MOGS: variants seen among roughly 807,000 people sequenced by gnomAD.
The protein encoded by MOGS is epididymis secretory sperm binding protein.
A neutral mutation model predicts 68.5 loss-of-function variants in MOGS; 45 were observed. The observed-to-expected ratio is 0.66, with a 90% CI of 0.52 to 0.84. The LOEUF is 0.84. MOGS is among the 40% of genes least tolerant of loss of function. The probability of loss-of-function intolerance (pLI) is 0.00; values close to 1 mark genes in which losing one functional copy is unlikely to be tolerated. For synonymous variants in MOGS, 492 were observed against 461.2 expected, an observed-to-expected ratio of 1.07 and a Z score of -0.86; for missense variants, 1,020 against 1,095.0, an observed-to-expected ratio of 0.93 and a Z score of 0.97.
chr2:74,463,928 G>T (rs1453776205), intron 2 of MOGS, among the ~76,000 whole-genome samples: 1 of 149,422 alleles, frequency 6.7e-6, no homozygotes, highest in African/African-American at 2.5e-5. Context: ...CTCCCAAAGT[G>T]CTGGGATTAC....
rs952902052 is a variant in MOGS, at chr2:74,463,660, C to CTTT, written c.580-277_580-275dup. ...TCTACACAGTTGATTTCATTTAATT[C>CTTT]TTTTTTTTTTTTTTTTTTTTTGAGG... is the stretch of plus-strand genomic sequence containing the variant. On this transcript the variant is annotated intron_variant, in intron 2 of 3. Transcript: ENST00000448666. 3.2e-3 allele frequency: 636 copies of CTTT among 197,530 alleles called. 1 individual carries two copies. Among genetic ancestry groups the CTTT allele is most frequent in the East Asian group, 0.016 (98 of 5,964 alleles). 12.2% of individuals were successfully genotyped at this position (197,530 alleles called of 1,614,324 possible). A position where few individuals can be genotyped will look rare whatever the true frequency, so the allele number is the denominator to read the frequency against.
At position 74,462,961 on chromosome 2, in the gene MOGS, C is replaced by T. The variant is rs1558566109; in HGVS notation, c.828G>A (p.Met276Ile). Residue 276 changes from methionine to isoleucine, a missense_variant, in exon 4 of 4, where the codon ATG (methionine) becomes ATA (isoleucine). By Grantham distance (10) the Met-to-Ile change is conservative (BLOSUM62 1). Around this residue, in one of 3 missense-constraint regions of MOGS, gnomAD observed 569 missense variants for 571.9 expected, o/e 0.99. Transcript: ENST00000448666. Reference protein sequence around the residue: ...SNPGLPLLTEMVKSRLNSWFQ... With the variant: ...SNPGLPLLTEIVKSRLNSWFQ... ...ACCAGCTATTTAGGCGACTCTTTAC[C>T]ATCTCTGTCAGCAGGGGCAGTCCTG... is the stretch of plus-strand genomic sequence containing the variant. The T allele has an allele frequency of 9.3e-6, 15 of 1,614,184 alleles. No individual in the cohort carries two copies. The highest frequency in any genetic ancestry group is 1.3e-5 in the African/African-American group (1 of 75,066).
chr2:74,463,405 CA>C lies in MOGS; in HGVS notation c.580-20del, dbSNP rs770591569. 6.2e-6 allele frequency: 10 copies of C among 1,608,700 alleles called. No individual in the cohort carries two copies. Among genetic ancestry groups the C allele is most frequent in the Non-Finnish European group, 7.7e-6 (9 of 1,175,404 alleles). On this transcript the variant is annotated intron_variant, in intron 2 of 3. Transcript: ENST00000448666. The stretch of plus-strand genomic sequence containing the variant: ...CTGAGTCCTGAGTGACCAACGAGGA[CA>C]GAAAAGAACAGTGTTAGATTGGCAT...
At position 74,461,467 on chromosome 2, in the gene MOGS, A is replaced by T; in HGVS notation, c.2322T>A (p.Gly774=). The T allele has an allele frequency of 6.2e-7, 1 of 1,614,124 alleles. No individual in the cohort carries two copies. Among genetic ancestry groups the T allele is most frequent in the Non-Finnish European group, 8.5e-7 (1 of 1,180,026 alleles). The part of the protein sequence containing the change: ...GALHHYGHLE[G]PHQARAAKLH... ...GTTTGGCAGCCCGAGCCTGGTGAGG[A>T]CCCTCCAGATGCCCATAGTGGTGGA... Residue 774 remains glycine (G), a synonymous_variant, in exon 4 of 4, where the codon GGT becomes GGA. Coordinates refer to ENST00000448666, the MANE Select transcript of MOGS (RefSeq NM_006302.3).
rs1388731853 is a variant in MOGS, at chr2:74,461,759, C to G, written c.2030G>C (p.Gly677Ala). 6.2e-7 allele frequency: 1 copy of G among 1,614,224 alleles called. No individual in the cohort carries two copies. The highest frequency in any genetic ancestry group is 2.2e-5 in the East Asian group (1 of 44,884). ...ATACTGCAGTTGAGGTTGGGGCCGACCCACCACCCGAACGAGCCCCTGAGG... is the reference window on the plus strand; with the variant it reads ...ATACTGCAGTTGAGGTTGGGGCCGAGCCACCACCCGAACGAGCCCCTGAGG... ...RPPQGLVRVV[G>A]RPQPQLQYVD... Residue 677 changes from glycine to alanine, a missense_variant, in exon 4 of 4, where the codon GGT becomes GCT. Gly to Ala is a moderately conservative substitution (Grantham distance 60). Around this residue, in one of 3 missense-constraint regions of MOGS, gnomAD observed 270 missense variants for 261.3 expected, o/e 1.03. Transcript: ENST00000448666.
rs778216818 is a variant in MOGS at position 74,461,319 on chromosome 2, C to G, written c.2470G>C (p.Gly824Arg). 8 of 1,613,970 alleles carry G rather than the reference C, an allele frequency of 5.0e-6. No homozygotes were observed. Among genetic ancestry groups the G allele is most frequent in the Non-Finnish European group, 6.8e-6 (8 of 1,180,050 alleles). ...GCCAGTAAGACAAGGCTGGTCCAGCCGTGGAAAGGGCGGCAGCCCATGCCT... is the reference window on the plus strand; with the variant it reads ...GCCAGTAAGACAAGGCTGGTCCAGCGGTGGAAAGGGCGGCAGCCCATGCCT... The part of the protein sequence containing the change: ...GRGMGCRPFH[G>R]WTSLVLLAMA... Residue 824 changes from glycine (G) to arginine (R), a missense_variant, in exon 4 of 4, where the codon GGC becomes CGC. Physicochemically the swap from Gly to Arg is moderately radical, Grantham distance 125. Coordinates refer to ENST00000448666, the MANE Select transcript of MOGS (RefSeq NM_006302.3).
chr2:74,463,421 T>C (rs1671985630), intron 2 of MOGS, 35 bp from the exon 3 acceptor site: 1 of 1,596,126 alleles, frequency 6.3e-7, no homozygotes, highest in Non-Finnish European at 8.6e-7. Context: ...AGAACAGTGT[T>C]AGATTGGCAT....
Position 74,464,741 on chromosome 2 carries a change from C to G in MOGS, c.353-19G>C. The G allele has an allele frequency of 6.2e-7, 1 of 1,605,480 alleles. No individual in the cohort carries two copies. The highest frequency in any genetic ancestry group is 8.5e-7 in the Non-Finnish European group (1 of 1,174,162). ...ATCAGTCCTGGGGGTAGAATGGCCA[C>G]GTAAGTCAAAGAGCAGGGGACCTGT... On this transcript the variant is annotated intron_variant, in intron 1 of 3. Transcript: ENST00000448666.
In MOGS at chr2:74,464,800, C is replaced by T. The variant is rs939093074; in HGVS notation, c.353-78G>A. 4 of 1,556,870 alleles carry T rather than the reference C, an allele frequency of 2.6e-6. No individual in the cohort carries two copies. In the African/African-American group the frequency reaches 5.4e-5, roughly 21 times the overall value. On this transcript the variant is annotated intron_variant, in intron 1 of 3. Coordinates refer to ENST00000448666, the MANE Select transcript of MOGS (RefSeq NM_006302.3). Reference sequence around the variant, plus strand: ...GTCTCCGGGTCATCCCTCTTCATAACTCTCCTGATCCATTCCTTCCCACCC... The same window carrying T: ...GTCTCCGGGTCATCCCTCTTCATAATTCTCCTGATCCATTCCTTCCCACCC...
chr2:74,461,279 T>A lies in MOGS; in HGVS notation c.2510A>T (p.Tyr837Phe). The A allele has an allele frequency of 6.2e-7, 1 of 1,614,042 alleles. No individual in the cohort carries two copies. Among genetic ancestry groups the A allele is most frequent in the Non-Finnish European group, 8.5e-7 (1 of 1,180,030 alleles). The change falls in exon 4 of 4, where the codon TAC becomes TTC. Residue 837 changes from tyrosine (Y) to phenylalanine (F), a missense_variant. Physicochemically the swap from Tyr to Phe is conservative, Grantham distance 22. This residue lies in a region of MOGS where 270 missense variants were observed against 261.3 expected (regional missense o/e 1.03). Transcript: ENST00000448666. ...GCTCCCCTCCTCTCCCTCCCTTCAG[T>A]AGTCTTCAGCCATGGCCAGTAAGAC... ...SLVLLAMAEDY is the reference protein window; with the variant it reads ...SLVLLAMAEDF
In MOGS at chr2:74,462,108, G is replaced by A. The variant is rs768384335; in HGVS notation, c.1681C>T (p.Arg561Cys). The stretch of plus-strand genomic sequence containing the variant: ...AAGGCAGGGTCCCGTCCCCGCCAGC[G>A]GTAAGATAGTGGCAGTGGGCCTGCC... Reference protein sequence around the residue: ...SQAGPLPLSYRWRGRDPALPT... With the variant: ...SQAGPLPLSYCWRGRDPALPT... The change falls in exon 4 of 4, where the codon CGC (arginine) becomes TGC (cysteine). Residue 561 changes from arginine (R) to cysteine (C), a missense_variant. Physicochemically the swap from Arg to Cys is radical, Grantham distance 180. Coordinates refer to ENST00000448666, the MANE Select transcript of MOGS (RefSeq NM_006302.3). The A allele has an allele frequency of 1.5e-5, 24 of 1,614,032 alleles. No homozygotes were observed. Among genetic ancestry groups the A allele is most frequent in the Non-Finnish European group, 1.7e-5 (20 of 1,179,974 alleles).
In MOGS at chr2:74,461,752, G is replaced by C. The variant is rs771318227; in HGVS notation, c.2037C>G (p.Pro679=). The C allele has an allele frequency of 1.2e-6, 2 of 1,614,190 alleles. No homozygotes were observed. Among genetic ancestry groups the C allele is most frequent in the Admixed American group, 3.3e-5 (2 of 60,016 alleles). The change falls in exon 4 of 4, where the codon CCC becomes CCG. Residue 679 remains proline (P), a synonymous_variant. Transcript: ENST00000448666. ...PQGLVRVVGR[P]QPQLQYVDAL... is the part of the protein sequence containing the mutation. Reference sequence around the variant, plus strand: ...CATCTACATACTGCAGTTGAGGTTGGGGCCGACCCACCACCCGAACGAGCC... The same window carrying C: ...CATCTACATACTGCAGTTGAGGTTGCGGCCGACCCACCACCCGAACGAGCC...
In MOGS at chr2:74,462,563, C is replaced by A. The variant is rs955649399; in HGVS notation, c.1226G>T (p.Gly409Val). ...CACCCCGATGTCTGGCAATACCAGC[C>A]CTTGTCCGTAGAAGTAGCCAATTCC... ...LGGIGYFYGQGLVLPDIGVEG... is the reference protein window; with the variant it reads ...LGGIGYFYGQVLVLPDIGVEG... The change falls in exon 4 of 4, where the codon GGG becomes GTG. Residue 409 changes from glycine (G) to valine (V), a missense_variant. This residue lies in a region of MOGS where 569 missense variants were observed against 571.9 expected (regional missense o/e 0.99). Coordinates refer to ENST00000448666, the MANE Select transcript of MOGS (RefSeq NM_006302.3). The A allele has an allele frequency of 1.2e-6, 2 of 1,612,992 alleles. No homozygotes were observed. Among genetic ancestry groups the A allele is most frequent in the Middle Eastern group, 3.3e-4 (2 of 6,062 alleles).
At position 74,463,325 on chromosome 2, in the gene MOGS, T is replaced by C. The variant is rs908412231; in HGVS notation, c.641A>G (p.Lys214Arg). 3 of 1,614,184 alleles carry C rather than the reference T, an allele frequency of 1.9e-6. No individual in the cohort carries two copies. The highest frequency in any genetic ancestry group is 2.5e-6 in the Non-Finnish European group (3 of 1,180,018). Reference protein sequence around the residue: ...SLFFYVVTDGKEVLLPEVGAK... With the variant: ...SLFFYVVTDGREVLLPEVGAK... ...CCCAACCTCTGGTAGTAGGACTTCCTTGCCATCTGTCACCACATAGAAGAA... is the reference window on the plus strand; with the variant it reads ...CCCAACCTCTGGTAGTAGGACTTCCCTGCCATCTGTCACCACATAGAAGAA... Residue 214 changes from lysine to arginine, a missense_variant, in exon 3 of 4, where the codon AAG (lysine) becomes AGG (arginine). Physicochemically the swap from Lys to Arg is conservative, Grantham distance 26. Around this residue, in one of 3 missense-constraint regions of MOGS, gnomAD observed 569 missense variants for 571.9 expected, o/e 0.99. Transcript: ENST00000448666.
rs1417830624 is a variant in MOGS at position 74,462,999 on chromosome 2, A to G, written c.790T>C (p.Trp264Arg). The G allele has an allele frequency of 9.3e-6, 15 of 1,613,982 alleles. No homozygotes were observed. In the Admixed American group the frequency reaches 2.5e-4, roughly 27 times the overall value. The change falls in exon 4 of 4, where the codon TGG becomes CGG. Residue 264 changes from tryptophan (W) to arginine (R), a missense_variant. Trp to Arg is a moderately radical substitution (Grantham distance 101). This residue lies in a region of MOGS where 569 missense variants were observed against 571.9 expected (regional missense o/e 0.99). Coordinates refer to ENST00000448666, the MANE Select transcript of MOGS (RefSeq NM_006302.3). ...AGGGGCAGTCCTGGGTTGGAGGTCCAGAAGACATTGTAGCTTGAAGGGGAG... is the reference window on the plus strand; with the variant it reads ...AGGGGCAGTCCTGGGTTGGAGGTCCGGAAGACATTGTAGCTTGAAGGGGAG... ...APKYGSYNVF[W>R]TSNPGLPLLT...
In MOGS at chr2:74,461,466, G is replaced by T. The variant is rs1671901623; in HGVS notation, c.2323C>A (p.Pro775Thr). Reference protein sequence around the residue: ...ALHHYGHLEGPHQARAAKLHG... With the variant: ...ALHHYGHLEGTHQARAAKLHG... ...AGTTTGGCAGCCCGAGCCTGGTGAGGACCCTCCAGATGCCCATAGTGGTGG... is the reference window on the plus strand; with the variant it reads ...AGTTTGGCAGCCCGAGCCTGGTGAGTACCCTCCAGATGCCCATAGTGGTGG... Residue 775 changes from proline to threonine, a missense_variant, in exon 4 of 4, where the codon CCT (proline) becomes ACT (threonine). Coordinates refer to ENST00000448666, the MANE Select transcript of MOGS (RefSeq NM_006302.3). 6 of 1,614,218 alleles carry T rather than the reference G, an allele frequency of 3.7e-6. No individual in the cohort carries two copies. The South Asian group carries it at 6.6e-5, about 18-fold the overall frequency.
chr2:74,461,987 C>T lies in MOGS; in HGVS notation c.1802G>A (p.Arg601Gln), dbSNP rs772130783. 2.5e-6 allele frequency: 4 copies of T among 1,614,190 alleles called. No homozygotes were observed. Among genetic ancestry groups the T allele is most frequent in the South Asian group, 1.1e-5 (1 of 91,088 alleles). Residue 601 changes from arginine (R) to glutamine (Q), a missense_variant, in exon 4 of 4, where the codon CGA becomes CAA. By Grantham distance (43) the Arg-to-Gln change is conservative. This residue lies in a region of MOGS where 181 missense variants were observed against 261.8 expected (regional missense o/e 0.69). Transcript: ENST00000448666. ...PSVTERHLDL[R>Q]CWVALGARVL... is the part of the protein sequence containing the mutation. Reference sequence around the variant, plus strand: ...ACGGGCACCCAGTGCCACCCAACATCGCAGGTCCAGGTGCCGCTCGGTTAC... The same window carrying T: ...ACGGGCACCCAGTGCCACCCAACATTGCAGGTCCAGGTGCCGCTCGGTTAC...
chr2:74,465,188 C>T lies in MOGS; in HGVS notation c.60G>A (p.Glu20=), dbSNP rs778828833. ...GCCCGGGGCCTCCCCGAGCCGCCCT[C>T]TCGGCTGTCCGCACTCCCTCTGCCG... ...AVPAEGVRTA[E]RAARGGPGRR... is the part of the protein sequence containing the mutation. The change falls in exon 1 of 4, where the codon GAG becomes GAA. Residue 20 remains glutamate (E), a synonymous_variant. Coordinates refer to ENST00000448666, the MANE Select transcript of MOGS (RefSeq NM_006302.3). 2 of 1,534,138 alleles carry T rather than the reference C, an allele frequency of 1.3e-6. No homozygotes were observed. Among genetic ancestry groups the T allele is most frequent in the Non-Finnish European group, 1.7e-6 (2 of 1,149,410 alleles).
In MOGS at chr2:74,461,071, T is replaced by C; in HGVS notation, c.*204A>G. On this transcript the variant is annotated 3_prime_UTR_variant, in exon 4 of 4. Coordinates refer to ENST00000448666, the MANE Select transcript of MOGS (RefSeq NM_006302.3). The stretch of plus-strand genomic sequence containing the variant: ...GGCAAAAGCAATAGAGTTCAAAATG[T>C]TTTTTCCAATTTATTTAGAAAAATA... 1.4e-6 allele frequency: 1 copy of C among 691,142 alleles called. No individual in the cohort carries two copies. Among genetic ancestry groups the C allele is most frequent in the Non-Finnish European group, 2.4e-6 (1 of 414,572 alleles). The allele number at this position is 691,142 out of a possible 1,614,324, so 42.8% of individuals were successfully genotyped here. A position where few individuals can be genotyped will look rare whatever the true frequency, so the allele number is the denominator to read the frequency against.
Sources: allele counts gnomAD v4.1 joint callset (sites outside exome capture counted in the v4.1 genomes callset), GRCh38; gene constraint gnomAD v4.1.1; regional missense constraint gnomAD v4.1.1; transcripts MANE v1.5; gene names NCBI Gene and HGNC (gene_info 2026-07-23, HGNC 2026-07-21).